The following POPDC1 variants were observed in gnomAD, a reference collection of about 807,000 sequenced individuals.
The protein encoded by POPDC1 is popeye domain-containing protein 1.
At chr6:105,131,475 C>T in the POPDC1 span, among the ~76,000 whole-genome samples, 6 of 151,982 alleles carry the variant, frequency 3.9e-5, no homozygotes, top group African/African-American at 7.2e-5. Context: ...CTTGCTCTGT[C>T]GCCCAGGCTG....
At chr6:105,122,573 C>T in the POPDC1 span, among the ~76,000 whole-genome samples, 2 of 152,168 alleles carry the variant, frequency 1.3e-5, no homozygotes, top group Non-Finnish European at 2.9e-5. Context: ...CCCACCCCAT[C>T]CTCAAATCCC....
chr6:105,115,023 CA>C, the POPDC1 span, among the ~76,000 whole-genome samples: 1 of 152,216 alleles, frequency 6.6e-6, no homozygotes, highest in Non-Finnish European at 1.5e-5. Flanking sequence ...CAAATGGCAA[CA>C]AAAACAAACA....
the POPDC1 span, among the ~76,000 whole-genome samples, chr6:105,132,234 G>A: frequency 1.3e-5 from 2 of 152,182 alleles, no homozygotes; most frequent in African/African-American, 4.8e-5. Context: ...CCACAGTGCT[G>A]GGATTACAGG....
chr6:105,124,617 A>G, the POPDC1 span: 1 of 1,612,618 alleles, frequency 6.2e-7, no homozygotes, highest in Non-Finnish European at 8.5e-7. Context: ...ACAGGGGTAA[A>G]TGTTATGCAG....
At chr6:105,125,340 A>C in the POPDC1 span, 3 of 1,584,916 alleles carry the variant, frequency 1.9e-6, no homozygotes, top group Non-Finnish European at 2.6e-6. Flanking sequence ...CCCAGAGGCC[A>C]TGAAAAGATT....
chr6:105,114,784 G>A, the POPDC1 span, among the ~76,000 whole-genome samples: 27 of 152,274 alleles, frequency 1.8e-4, no homozygotes, highest in African/African-American at 3.1e-4. Flanking sequence ...GAAGAATACC[G>A]GAAAATGTGC....
At chr6:105,111,863 T>C in the POPDC1 span, among the ~76,000 whole-genome samples, 1 of 152,220 alleles carries the variant, frequency 6.6e-6, no homozygotes, top group Non-Finnish European at 1.5e-5. Flanking sequence ...ATTTGCTGTG[T>C]AAAGTTATGA....
chr6:105,100,715 C>T, the POPDC1 span: 73 of 153,148 alleles, frequency 4.8e-4, no homozygotes, highest in African/African-American at 1.7e-3. Context: ...AACCTCATTG[C>T]TATGGAACAA....
chr6:105,116,372 TTC>T, the POPDC1 span, among the ~76,000 whole-genome samples: 1 of 152,132 alleles, frequency 6.6e-6, no homozygotes, highest in Non-Finnish European at 1.5e-5. Context: ...CTGTCAGCCT[TTC>T]TCTGTCTGCA....
the POPDC1 span, among the ~76,000 whole-genome samples, chr6:105,118,109 A>C: frequency 6.6e-6 from 1 of 152,350 alleles, no homozygotes; most frequent in Non-Finnish European, 1.5e-5. Context: ...ATACCGCAGT[A>C]GGCAAAAACC....
chr6:105,114,955 G>C, the POPDC1 span, among the ~76,000 whole-genome samples: 1 of 152,210 alleles, frequency 6.6e-6, no homozygotes, highest in African/African-American at 2.4e-5. Flanking sequence ...CTACCATTTA[G>C]TAAAACATTT....
chr6:105,124,618 T>C, the POPDC1 span: 30 of 1,612,570 alleles, frequency 1.9e-5, no homozygotes, highest in Non-Finnish European at 2.4e-5. Context: ...CAGGGGTAAA[T>C]GTTATGCAGA....
the POPDC1 span, chr6:105,133,590 T>C: frequency 6.4e-7 from 1 of 1,562,728 alleles, no homozygotes; most frequent in Non-Finnish European, 8.7e-7. Context: ...TGAAAATTCC[T>C]GTAAAAACAA....
chr6:105,133,184 T>C, the POPDC1 span, among the ~76,000 whole-genome samples: 3 of 152,214 alleles, frequency 2.0e-5, no homozygotes, highest in African/African-American at 4.8e-5. Flanking sequence ...ATATGGCATG[T>C]GAAGGCCTAT....
chr6:105,129,358 T>C, the POPDC1 span: 9 of 1,571,400 alleles, frequency 5.7e-6, no homozygotes, highest in Middle Eastern at 3.4e-4. Context: ...CACTTCCTTA[T>C]TAATTAATTT....
chr6:105,114,159 T>A, the POPDC1 span, among the ~76,000 whole-genome samples: 2 of 152,234 alleles, frequency 1.3e-5, no homozygotes, highest in Non-Finnish European at 2.9e-5. Context: ...TGCCTTTTCA[T>A]AACTTACTAT....
At chr6:105,127,518 T>C in the POPDC1 span, among the ~76,000 whole-genome samples, 2 of 152,190 alleles carry the variant, frequency 1.3e-5, no homozygotes, top group African/African-American at 2.4e-5. Flanking sequence ...AGTGGTGTGA[T>C]CATAGCTCAC....
chr6:105,106,808 AG>A, the POPDC1 span, among the ~76,000 whole-genome samples: 3 of 151,944 alleles, frequency 2.0e-5, no homozygotes, highest in Admixed American at 2.0e-4. Context: ...CCTTTTTTTT[AG>A]TATAAAATAT....
the POPDC1 span, among the ~76,000 whole-genome samples, chr6:105,135,293 G>C: frequency 6.6e-6 from 1 of 152,108 alleles, no homozygotes; most frequent in Non-Finnish European, 1.5e-5. Flanking sequence ...CGTCTCCCCA[G>C]ATCTCAGTAA....
Sources: allele counts gnomAD v4.1 joint callset (sites outside exome capture counted in the v4.1 genomes callset), GRCh38; gene constraint gnomAD v4.1.1; transcripts MANE v1.5; gene names NCBI Gene and HGNC (gene_info 2026-07-23, HGNC 2026-07-21).